The following PBX1 variants were observed in gnomAD, a reference collection of about 807,000 sequenced individuals.
The protein encoded by PBX1 is pre-B-cell leukemia transcription factor 1.
A neutral mutation model predicts 53.4 loss-of-function variants in PBX1; 6 were observed. That is an observed-to-expected ratio of 0.11 (90% CI 0.06 to 0.22). PBX1 has a LOEUF of 0.22. Ranked by LOEUF, PBX1 falls within the 10% of genes least tolerant of loss-of-function variation. PBX1 has a pLI of 1.00. For synonymous variants in PBX1, 204 were observed against 212.3 expected (o/e 0.96, Z 0.34); for missense variants, 251 against 551.4 (o/e 0.46, Z 5.46).
intron 2 of PBX1, among the ~76,000 whole-genome samples, chr1:164,626,669 C>T (rs866320108): frequency 1.3e-5 from 2 of 152,344 alleles, no homozygotes; most frequent in Middle Eastern, 3.4e-3. Flanking sequence ...CGTCTTAAAA[C>T]TCTAGAAAAC....
intron 2 of PBX1, among the ~76,000 whole-genome samples, chr1:164,637,840 G>A (rs568795217): frequency 1.3e-5 from 2 of 152,286 alleles, no homozygotes; most frequent in African/African-American, 2.4e-5. Flanking sequence ...AGACAGAACA[G>A]GCTTTCTTCT....
intron 8 of PBX1, among the ~76,000 whole-genome samples, chr1:164,838,270 C>G (rs532635312): frequency 6.6e-6 from 1 of 152,194 alleles, no homozygotes; most frequent in Non-Finnish European, 1.5e-5. Flanking sequence ...CAGAACTCTG[C>G]CTTGCCAGTG....
At chr1:164,791,821 A>G (rs961282271) in intron 2 of PBX1, among the ~76,000 whole-genome samples, 4 of 151,686 alleles carry the variant, frequency 2.6e-5, no homozygotes, top group African/African-American at 7.3e-5. Context: ...GATAGAATTT[A>G]CCTTTTTGGG....
chr1:164,804,416 A>G (rs904578950), intron 4 of PBX1, among the ~76,000 whole-genome samples: 10 of 152,208 alleles, frequency 6.6e-5, no homozygotes, highest in African/African-American at 2.2e-4. Context: ...GTATATAGCT[A>G]TTTATTTTTA....
At chr1:164,668,348 A>G (rs1660923847) in intron 2 of PBX1, among the ~76,000 whole-genome samples, 1 of 152,030 alleles carries the variant, frequency 6.6e-6, no homozygotes, top group Non-Finnish European at 1.5e-5. Flanking sequence ...CGGTGGTTCG[A>G]CTTTGAGGGT....
At chr1:164,807,767 T>C in intron 5 of PBX1, 90 bp downstream of exon 5, 1 of 1,425,380 alleles carries the variant, frequency 7.0e-7, no homozygotes. Flanking sequence ...TACTGGACAT[T>C]CATGCCTTGC....
intron 2 of PBX1, among the ~76,000 whole-genome samples, chr1:164,742,258 A>G (rs1179899836): frequency 6.6e-6 from 1 of 152,126 alleles, no homozygotes; most frequent in East Asian, 1.9e-4. Context: ...CAAGGATCAC[A>G]AAGCCAGGAG....
intron 8 of PBX1, among the ~76,000 whole-genome samples, chr1:164,824,651 T>C (rs546123636): frequency 2.0e-5 from 3 of 152,284 alleles, no homozygotes; most frequent in South Asian, 2.1e-4. Flanking sequence ...TATAGTGTTA[T>C]GCAAGGCCTA....
At chr1:164,602,816 T>C (rs576970186) in intron 2 of PBX1, among the ~76,000 whole-genome samples, 1 of 152,326 alleles carries the variant, frequency 6.6e-6, no homozygotes, top group African/African-American at 2.4e-5. Flanking sequence ...GATTTCTTTC[T>C]GCCCTCAAAG....
chr1:164,870,333 CTTTCTTTCT>C (rs1558053822), intron 2 of PBX1, among the ~76,000 whole-genome samples: 1 of 105,230 alleles, frequency 9.5e-6, no homozygotes, highest in African/African-American at 4.1e-5. Flanking sequence ...TTCTTTCTTT[CTTTCTTTCT>C]TTCTTTCTTT....
intron 2 of PBX1, among the ~76,000 whole-genome samples, chr1:164,604,453 TTACATG>T (rs1297184205): frequency 3.3e-5 from 5 of 152,180 alleles, no homozygotes; most frequent in Non-Finnish European, 7.4e-5. Flanking sequence ...CATTCAGCAG[TTACATG>T]TATTGAGTGC....
chr1:164,634,997 C>T (rs1326440925), intron 2 of PBX1, among the ~76,000 whole-genome samples: 1 of 148,252 alleles, frequency 6.7e-6, no homozygotes, highest in Admixed American at 7.0e-5. Flanking sequence ...GGAGTTAACT[C>T]TAAGGCTGCG....
intron 2 of PBX1, among the ~76,000 whole-genome samples, chr1:164,744,576 C>A (rs1665794925): frequency 6.6e-6 from 1 of 152,148 alleles, no homozygotes; most frequent in Admixed American, 6.5e-5. Context: ...TATGGGAGAA[C>A]ATCCTGATCT....
At chr1:164,778,788 C>T (rs978523027) in intron 2 of PBX1, among the ~76,000 whole-genome samples, 10 of 152,150 alleles carry the variant, frequency 6.6e-5, no homozygotes, top group African/African-American at 2.4e-4. Context: ...GCCTTCATCC[C>T]GTGAAACTCT....
intron 2 of PBX1, among the ~76,000 whole-genome samples, chr1:164,777,985 G>A (rs1209624485): frequency 6.6e-6 from 1 of 152,164 alleles, no homozygotes; most frequent in African/African-American, 2.4e-5. Context: ...AGTGTTAGAT[G>A]CTTCTTTCAT....
rs879536890 is a variant in PBX1 at position 164,559,303 on chromosome 1, C to G, written c.-520C>G. 2.0e-3 allele frequency: 395 copies of G among 195,294 alleles called. 2 individuals are homozygous for G. Among genetic ancestry groups the G allele is most frequent in the Middle Eastern group, 8.4e-3 (5 of 596 alleles). 12.1% of individuals were successfully genotyped at this position (195,294 alleles called of 1,614,324 possible). ...ATCTGGCTTTTGCAACAGCCCACCCCCTTTGAGATCACTCTGGCCCGGAGT... is the reference window on the plus strand; with the variant it reads ...ATCTGGCTTTTGCAACAGCCCACCCGCTTTGAGATCACTCTGGCCCGGAGT... On this transcript the variant is annotated 5_prime_UTR_variant, in exon 1 of 9. Transcript: ENST00000420696.
intron 2 of PBX1, among the ~76,000 whole-genome samples, chr1:164,742,218 G>A (rs771421252): frequency 2.6e-5 from 4 of 151,876 alleles, no homozygotes; most frequent in East Asian, 1.9e-4. Flanking sequence ...TATTACTTAC[G>A]GATTGGAAGG....
Position 164,847,058 on chromosome 1 carries a change from T to C in PBX1, c.*382T>C. 1 of 1,110,532 alleles carries C rather than the reference T, an allele frequency of 9.0e-7. No individual in the cohort carries two copies. The highest frequency in any genetic ancestry group is 1.1e-6 in the Non-Finnish European group (1 of 904,762). 68.8% of individuals were successfully genotyped at this position (1,110,532 alleles called of 1,614,324 possible). A position where few individuals can be genotyped will look rare whatever the true frequency, so the allele number is the denominator to read the frequency against. ...AAAATTACAAAGAAAATAATAAAAG[T>C]GTTTGTACGTTTTCATGCTGGTGGT... On this transcript the variant is annotated 3_prime_UTR_variant, in exon 9 of 9. Coordinates refer to ENST00000420696, the MANE Select transcript of PBX1 (RefSeq NM_002585.4).
intron 2 of PBX1, among the ~76,000 whole-genome samples, chr1:164,628,250 A>G (rs1325328827): frequency 2.6e-5 from 4 of 152,326 alleles, no homozygotes; most frequent in African/African-American, 9.6e-5. Flanking sequence ...ATCTAATGAG[A>G]CTATAAATCA....
Sources: allele counts gnomAD v4.1 joint callset (sites outside exome capture counted in the v4.1 genomes callset), GRCh38; gene constraint gnomAD v4.1.1; transcripts MANE v1.5; gene names NCBI Gene and HGNC (gene_info 2026-07-23, HGNC 2026-07-21).